CPA4: variants seen among roughly 807,000 people sequenced by gnomAD.
CPA4 encodes the protein carboxypeptidase A4.
A neutral mutation model predicts 54.7 loss-of-function variants in CPA4; 49 were observed. The ratio of observed to expected loss-of-function variants is 0.90; its 90% CI spans 0.71 to 1.14. The LOEUF (loss-of-function observed/expected upper bound fraction) is 1.14. CPA4 is among the 50% of genes most tolerant of loss of function. CPA4 has a pLI of 0.00. For missense variants in CPA4, 487 were observed against 525.1 expected, an observed-to-expected ratio of 0.93 and a Z score of 0.71; for synonymous variants, 215 against 206.8, an observed-to-expected ratio of 1.04 and a Z score of -0.34.
At chr7:130,305,725 G>T in intron 5 of CPA4, 91 bp from the exon 6 acceptor site, 3 of 921,536 alleles carry the variant, frequency 3.3e-6, no homozygotes. Context: ...TATCTTAAAT[G>T]AATTAAATGA....
chr7:130,301,951 C>T (rs910886923), intron 4 of CPA4, among the ~76,000 whole-genome samples: 3 of 152,166 alleles, frequency 2.0e-5, no homozygotes, highest in South Asian at 2.1e-4. Flanking sequence ...ATGGGGCCCT[C>T]GCCAGCTGAG....
At chr7:130,304,872 T>C (rs1793794887) in intron 5 of CPA4, among the ~76,000 whole-genome samples, 1 of 152,202 alleles carries the variant, frequency 6.6e-6, no homozygotes, top group Non-Finnish European at 1.5e-5. Flanking sequence ...ACTTTCATTC[T>C]CACCTCTGTA....
chr7:130,319,157 T>A (rs1794042857), intron 10 of CPA4, among the ~76,000 whole-genome samples: 1 of 152,220 alleles, frequency 6.6e-6, no homozygotes, highest in South Asian at 2.1e-4. Context: ...CAGTAGCTTG[T>A]ATTGCTTCAG....
chr7:130,299,582 A>G lies in CPA4; in HGVS notation c.285+178A>G, dbSNP rs2117134631. On this transcript the variant is annotated intron_variant, in intron 3 of 10. Transcript: ENST00000222482. ...TTAGAGGAACAACATTTTGTAGTAGAAAGGGCATAAATAGGCCAGGGAACC... is the reference window on the plus strand; with the variant it reads ...TTAGAGGAACAACATTTTGTAGTAGGAAGGGCATAAATAGGCCAGGGAACC... 5.0e-6 allele frequency: 3 copies of G among 599,680 alleles called. No individual in the cohort carries two copies. In the East Asian group the frequency reaches 8.6e-5, roughly 17 times the overall value. 37.1% of individuals were successfully genotyped at this position (599,680 alleles called of 1,614,324 possible).
intron 1 of CPA4, among the ~76,000 whole-genome samples, chr7:130,297,128 AT>A (rs1215739085): frequency 6.6e-6 from 1 of 151,520 alleles, no homozygotes; most frequent in African/African-American, 2.4e-5. Flanking sequence ...ATTGTTTTTC[AT>A]TTTTTTGTAG....
rs372094375 is a variant in CPA4 at position 130,306,913 on chromosome 7, T to C, written c.702+16T>C. 15 of 1,366,712 alleles carry C rather than the reference T, an allele frequency of 1.1e-5. No individual in the cohort carries two copies. The highest frequency in any genetic ancestry group is 1.6e-5 in the Non-Finnish European group (15 of 954,024). The allele number at this position is 1,366,712 out of a possible 1,614,324, so 84.7% of individuals were successfully genotyped here. A position where few individuals can be genotyped will look rare whatever the true frequency, so the allele number is the denominator to read the frequency against. On this transcript the variant is annotated intron_variant, in intron 7 of 10. Transcript: ENST00000222482. The stretch of plus-strand genomic sequence containing the variant: ...TCAAACTCAAGTGAGTATTCCCAAA[T>C]GGGCTGGGCTTGCAGACTGTTGAAT...
chr7:130,293,307 C>T, intron 1 of CPA4, 59 bp downstream of exon 1: 1 of 970,050 alleles, frequency 1.0e-6, no homozygotes, highest in East Asian at 2.4e-5. Context: ...CCAAATGGAA[C>T]TGAAAATGAA....
intron 1 of CPA4, among the ~76,000 whole-genome samples, chr7:130,298,388 A>G (rs1311010643): frequency 6.6e-6 from 1 of 152,246 alleles, no homozygotes; most frequent in Non-Finnish European, 1.5e-5. Context: ...ACAAGGGGGA[A>G]AAAAGTAAGT....
At chr7:130,299,435 C>A (rs1367037824) in intron 3 of CPA4, 31 bp downstream of exon 3, 35 of 1,608,588 alleles carry the variant, frequency 2.2e-5, no homozygotes, top group Non-Finnish European at 2.9e-5. Context: ...GCCTCCTGCT[C>A]TTGCATAGGA....
At chr7:130,303,210 C>T (rs1184744512) in intron 4 of CPA4, among the ~76,000 whole-genome samples, 1 of 152,128 alleles carries the variant, frequency 6.6e-6, no homozygotes, top group East Asian at 1.9e-4. Context: ...TTCTTTTGGC[C>T]CTCAAGTGGT....
intron 3 of CPA4, 63 bp downstream of exon 3, chr7:130,299,467 G>T: frequency 6.8e-7 from 1 of 1,480,178 alleles, no homozygotes; most frequent in South Asian, 1.2e-5. Context: ...GTCCAGAGTA[G>T]ACCGGAGTGA....
Position 130,322,960 on chromosome 7 carries a change from C to A in CPA4, c.*284C>A. 3.0e-6 allele frequency: 1 copy of A among 333,546 alleles called. No individual in the cohort carries two copies. 20.7% of individuals were successfully genotyped at this position (333,546 alleles called of 1,614,324 possible). On this transcript the variant is annotated 3_prime_UTR_variant, in exon 11 of 11. Transcript: ENST00000222482. ...GGCTGGGCGGCTGCACTCAGCATCA[C>A]CCCTTCCTGGGTGGCATGTCTCTCT... is the stretch of plus-strand genomic sequence containing the variant.
intron 10 of CPA4, 50 bp downstream of exon 10, chr7:130,312,172 A>G: frequency 7.3e-7 from 1 of 1,366,278 alleles, no homozygotes; most frequent in Non-Finnish European, 1.0e-6. Flanking sequence ...TTGAGAGGAA[A>G]CTTGAAATGG....
chr7:130,303,785 C>T (rs1793775214), intron 4 of CPA4, among the ~76,000 whole-genome samples: 2 of 139,088 alleles, frequency 1.4e-5, no homozygotes, highest in Non-Finnish European at 1.6e-5. Context: ...CACGCCACCG[C>T]AGCTGCCTAT....
chr7:130,311,851 T>A (rs918968766), intron 9 of CPA4, among the ~76,000 whole-genome samples, 187 bp from the exon 10 acceptor site: 2 of 151,584 alleles, frequency 1.3e-5, no homozygotes, highest in African/African-American at 4.9e-5. Flanking sequence ...GGAGAAGGAG[T>A]TGAAGGAACC....
intron 7 of CPA4, among the ~76,000 whole-genome samples, chr7:130,307,505 G>A (rs895733681): frequency 9.2e-5 from 14 of 151,934 alleles, no homozygotes; most frequent in Non-Finnish European, 1.9e-4. Context: ...GGTGGTGGGT[G>A]CCTGTAGTCC....
At chr7:130,308,514 C>CT in intron 8 of CPA4, 117 bp downstream of exon 8, 1 of 751,452 alleles carries the variant, frequency 1.3e-6, no homozygotes, top group Non-Finnish European at 2.4e-6. Context: ...TGCTGCGTCA[C>CT]TGAGAGACTG....
intron 10 of CPA4, among the ~76,000 whole-genome samples, chr7:130,321,218 C>G (rs1253302622): frequency 6.6e-6 from 1 of 152,080 alleles, no homozygotes; most frequent in Admixed American, 6.6e-5. Context: ...AAAAAATTAT[C>G]TATGCTTTGT....
At chr7:130,318,344 A>G (rs902867267) in intron 10 of CPA4, among the ~76,000 whole-genome samples, 11 of 152,152 alleles carry the variant, frequency 7.2e-5, no homozygotes, top group African/African-American at 2.7e-4. Flanking sequence ...TACTCATCAG[A>G]TTGCTCCAAC....
Sources: allele counts gnomAD v4.1 joint callset (sites outside exome capture counted in the v4.1 genomes callset), GRCh38; gene constraint gnomAD v4.1.1; transcripts MANE v1.5; gene names NCBI Gene and HGNC (gene_info 2026-07-23, HGNC 2026-07-21).